Variants in SNX6 observed in about 807,000 individuals in gnomAD.
The protein encoded by SNX6 is sorting nexin-6.
A neutral mutation model predicts 63.0 loss-of-function variants in SNX6; 34 were observed. The ratio of observed to expected loss-of-function variants is 0.54; its 90% CI spans 0.41 to 0.72. The LOEUF (loss-of-function observed/expected upper bound fraction) is 0.72, where lower values mean the gene tolerates loss of function less well. SNX6 is among the 30% of genes least tolerant of loss of function. The probability of loss-of-function intolerance (pLI) is 0.00; values close to 1 mark genes in which losing one functional copy is unlikely to be tolerated. For synonymous variants in SNX6, 170 were observed against 164.2 expected (o/e 1.04, Z -0.27); for missense variants, 398 against 471.4 (o/e 0.84, Z 1.44).
At chr14:34,569,375 C>T (rs1404732086) in intron 11 of SNX6, among the ~76,000 whole-genome samples, 6 of 152,074 alleles carry the variant, frequency 3.9e-5, no homozygotes, top group Admixed American at 6.6e-5. Flanking sequence ...TATCCCTAGA[C>T]GACTGCTAAT....
intron 8 of SNX6, among the ~76,000 whole-genome samples, chr14:34,586,650 G>A (rs914721412): frequency 5.9e-5 from 9 of 152,070 alleles, no homozygotes; most frequent in Non-Finnish European, 1.3e-4. Flanking sequence ...AGAGGTTGCA[G>A]TGAGCCAAGA....
rs567061789 is a variant in SNX6, at chr14:34,573,313, G to A, written c.921+2443C>T. On this transcript the variant is annotated intron_variant, in intron 11 of 13. Transcript: ENST00000362031. ...TTTGAGGCCAGGCGGGATGGTTCAC[G>A]CCTGTAATCCTAGCACATTGGGAGG... Among the ~76,000 whole-genome samples the A allele has an allele frequency of 2.3e-4, 35 of 152,198 alleles. 1 individual carries two copies. Among genetic ancestry groups the A allele is most frequent in the Middle Eastern group, 6.8e-3 (2 of 292 alleles).
At chr14:34,629,139 AC>A (rs201656392) in intron 2 of SNX6, among the ~76,000 whole-genome samples, 92 of 66,288 alleles carry the variant, frequency 1.4e-3, no homozygotes, top group African/African-American at 2.0e-3. Flanking sequence ...ATGTTCTCAC[AC>A]AAAAAAAAAT....
At chr14:34,570,226 C>A (rs541432111) in intron 11 of SNX6, among the ~76,000 whole-genome samples, 1 of 151,934 alleles carries the variant, frequency 6.6e-6, no homozygotes, top group Admixed American at 6.6e-5. Context: ...TGTGCCACCA[C>A]GCCTGGCTAA....
chr14:34,605,361 G>T (rs930201175), intron 5 of SNX6: 2 of 277,988 alleles, frequency 7.2e-6, no homozygotes, highest in Non-Finnish European at 6.6e-6. Flanking sequence ...AACTTTCAGG[G>T]TCTATTTCAA....
chr14:34,626,230 G>A (rs1883819053), intron 2 of SNX6, among the ~76,000 whole-genome samples: 1 of 152,154 alleles, frequency 6.6e-6, no homozygotes, highest in Non-Finnish European at 1.5e-5. Context: ...CCATCCTGAT[G>A]TTCTAAAAGC....
At chr14:34,600,372 T>C (rs1264053784) in intron 6 of SNX6, among the ~76,000 whole-genome samples, 1 of 152,082 alleles carries the variant, frequency 6.6e-6, no homozygotes, top group Non-Finnish European at 1.5e-5. Context: ...GTGAATACCT[T>C]GCCTTGGCCT....
At chr14:34,572,324 C>T (rs968437587) in intron 11 of SNX6, among the ~76,000 whole-genome samples, 3 of 151,962 alleles carry the variant, frequency 2.0e-5, no homozygotes, top group Admixed American at 6.6e-5. Context: ...CTTGGGAGGC[C>T]GAGGCGGGTG....
chr14:34,619,427 A>T (rs1030143583), intron 2 of SNX6, among the ~76,000 whole-genome samples: 35 of 151,034 alleles, frequency 2.3e-4, no homozygotes, highest in Middle Eastern at 3.4e-3. Flanking sequence ...GTCTCAAAAA[A>T]ATATATATAT....
At chr14:34,578,711 T>C (rs574526813) in intron 10 of SNX6, among the ~76,000 whole-genome samples, 41 of 145,578 alleles carry the variant, frequency 2.8e-4, no homozygotes, top group Non-Finnish European at 5.1e-4. Flanking sequence ...GAGGCCAAGG[T>C]GAGCGGATCA....
intron 11 of SNX6, 101 bp from the exon 12 acceptor site, chr14:34,568,114 CAT>C (rs1881272947): frequency 2.2e-6 from 2 of 927,676 alleles, no homozygotes; most frequent in Non-Finnish European, 3.2e-6. Context: ...AGAGCTAACA[CAT>C]AGTGAATACT....
chr14:34,590,909 G>A (rs747025934), intron 8 of SNX6, among the ~76,000 whole-genome samples: 3 of 152,114 alleles, frequency 2.0e-5, no homozygotes, highest in Non-Finnish European at 2.9e-5. Context: ...ATGAACTATC[G>A]ATATACACAA....
At chr14:34,582,122 C>T (rs573098537) in intron 9 of SNX6, among the ~76,000 whole-genome samples, 13 of 148,340 alleles carry the variant, frequency 8.8e-5, no homozygotes, top group Admixed American at 4.8e-4. Context: ...CCACCACGCC[C>T]GGCCCTGATT....
chr14:34,624,836 A>G (rs1883765710), intron 2 of SNX6, among the ~76,000 whole-genome samples: 1 of 152,110 alleles, frequency 6.6e-6, no homozygotes, highest in African/African-American at 2.4e-5. Context: ...GCTGCTTTAC[A>G]TGAAATGCTA....
intron 10 of SNX6, among the ~76,000 whole-genome samples, 173 bp from the exon 11 acceptor site, chr14:34,576,015 CT>C (rs1261886499): frequency 6.6e-6 from 1 of 151,702 alleles, no homozygotes; most frequent in Non-Finnish European, 1.5e-5. Context: ...GCTCCGCCTC[CT>C]GGGTTCACGC....
chr14:34,571,432 CA>C (rs981863950), intron 11 of SNX6, among the ~76,000 whole-genome samples: 5 of 147,556 alleles, frequency 3.4e-5, no homozygotes, highest in East Asian at 2.0e-4. Flanking sequence ...GACTCCGTCT[CA>C]AAAAAAAACA....
chr14:34,616,633 T>C (rs1457158012), intron 2 of SNX6, among the ~76,000 whole-genome samples: 1 of 152,174 alleles, frequency 6.6e-6, no homozygotes, highest in Non-Finnish European at 1.5e-5. Flanking sequence ...CCCGAACCAC[T>C]GGTATTACAG....
intron 11 of SNX6, among the ~76,000 whole-genome samples, chr14:34,569,376 G>A (rs530855098): frequency 2.6e-5 from 4 of 151,868 alleles, no homozygotes; most frequent in South Asian, 2.1e-4. Context: ...ATCCCTAGAC[G>A]ACTGCTAATT....
At chr14:34,568,682 G>A (rs1188187277) in intron 11 of SNX6, 6 of 915,416 alleles carry the variant, frequency 6.6e-6, no homozygotes, top group Admixed American at 1.8e-5. Flanking sequence ...ACCCAGCATG[G>A]TTTGTTCTAA....
Sources: allele counts gnomAD v4.1 joint callset (sites outside exome capture counted in the v4.1 genomes callset), GRCh38; gene constraint gnomAD v4.1.1; transcripts MANE v1.5; gene names NCBI Gene and HGNC (gene_info 2026-07-23, HGNC 2026-07-21).